MEMO1: variants seen among roughly 807,000 people sequenced by gnomAD.
MEMO1 encodes the protein protein MEMO1.
MEMO1 carries 6 observed loss-of-function variants against 45.2 expected under a neutral mutation model. That is an observed-to-expected ratio of 0.13 (90% CI 0.07 to 0.26). The LOEUF (loss-of-function observed/expected upper bound fraction) is 0.26. MEMO1 is among the 10% of genes least tolerant of loss of function. MEMO1 has a pLI of 1.00. For missense variants in MEMO1, 184 were observed against 370.5 expected (o/e 0.50, Z 4.13); for synonymous variants, 78 against 124.3 (o/e 0.63, Z 2.48).
chr2:31,988,701 A>G (rs1671575007), intron 2 of MEMO1, among the ~76,000 whole-genome samples: 1 of 152,242 alleles, frequency 6.6e-6, no homozygotes, highest in Non-Finnish European at 1.5e-5. Context: ...TGTCCTTGAT[A>G]TAGCTGCAAA....
chr2:31,941,205 C>A (rs1041118760), intron 3 of MEMO1, among the ~76,000 whole-genome samples: 3 of 152,138 alleles, frequency 2.0e-5, no homozygotes, highest in African/African-American at 7.2e-5. Context: ...CCTTGTACTG[C>A]CACTCCAGCT....
At chr2:31,963,232 A>G (rs1668231291) in intron 2 of MEMO1, 2 of 1,547,234 alleles carry the variant, frequency 1.3e-6, no homozygotes, top group Non-Finnish European at 8.7e-7. Context: ...TCAGCCCTCC[A>G]TAATGGCATG....
At chr2:31,881,570 C>T (rs555066909) in intron 8 of MEMO1, among the ~76,000 whole-genome samples, 2 of 134,078 alleles carry the variant, frequency 1.5e-5, no homozygotes, top group Non-Finnish European at 3.3e-5. Flanking sequence ...CAAGACAATA[C>T]ACTAAGAATT....
intron 2 of MEMO1, among the ~76,000 whole-genome samples, chr2:32,003,752 C>A (rs1358273926): frequency 6.6e-6 from 1 of 152,174 alleles, no homozygotes; most frequent in Non-Finnish European, 1.5e-5. Context: ...AACTGGACTT[C>A]TTTAAAACTA....
chr2:31,918,943 A>G (rs967518827), intron 5 of MEMO1, among the ~76,000 whole-genome samples: 3 of 152,036 alleles, frequency 2.0e-5, no homozygotes, highest in African/African-American at 7.2e-5. Flanking sequence ...TTTAAAAGTA[A>G]AATGTGTTCC....
At chr2:31,953,976 A>G (rs948679984) in intron 2 of MEMO1, among the ~76,000 whole-genome samples, 6 of 152,178 alleles carry the variant, frequency 3.9e-5, no homozygotes, top group African/African-American at 9.7e-5. Flanking sequence ...AAATATTCTG[A>G]TTTTTTAAAA....
intron 6 of MEMO1, among the ~76,000 whole-genome samples, chr2:31,907,818 C>CACACAT (rs1361419683): frequency 6.7e-6 from 1 of 150,132 alleles, no homozygotes; most frequent in Non-Finnish European, 1.5e-5. Flanking sequence ...CACACACACA[C>CACACAT]ACATACACAC....
intron 2 of MEMO1, among the ~76,000 whole-genome samples, chr2:31,978,647 C>T (rs886247907): frequency 1.3e-5 from 2 of 152,120 alleles, no homozygotes; most frequent in Non-Finnish European, 2.9e-5. Flanking sequence ...TGCCCATACC[C>T]GGCCTCAAGT....
chr2:31,908,035 C>CTTTTTTT (rs1401063487), intron 6 of MEMO1, among the ~76,000 whole-genome samples: 2 of 152,048 alleles, frequency 1.3e-5, no homozygotes, highest in Non-Finnish European at 2.9e-5. Flanking sequence ...TTTTTACAAC[C>CTTTTTTT]ACCACAAAAT....
At chr2:32,007,348 T>A (rs1383124969) in intron 2 of MEMO1, among the ~76,000 whole-genome samples, 1 of 152,328 alleles carries the variant, frequency 6.6e-6, no homozygotes, top group East Asian at 1.9e-4. Flanking sequence ...CCCTCCTCAG[T>A]AGTCCTAAAA....
intron 6 of MEMO1, among the ~76,000 whole-genome samples, chr2:31,913,517 G>GTT (rs5830218): frequency 2.9e-5 from 4 of 136,000 alleles, no homozygotes; most frequent in Non-Finnish European, 4.8e-5. Flanking sequence ...ATGATTAAGA[G>GTT]TTTTTTTTTT....
Position 31,900,532 on chromosome 2 carries a change from G to A in MEMO1, c.438-8398C>T, listed in dbSNP as rs368874756. Among the ~76,000 whole-genome samples the A allele has an allele frequency of 1.1e-4, 16 of 152,034 alleles. 1 individual carries two copies. The highest frequency in any genetic ancestry group is 9.2e-4 in the Admixed American group (14 of 15,264). ...AACATCACACACCGGGGCCTGTTGG[G>A]GAGTGGGGGACTAGGGGAGGGATAG... On this transcript the variant is annotated intron_variant, in intron 6 of 9. Transcript: ENST00000404530.
intron 2 of MEMO1, among the ~76,000 whole-genome samples, chr2:32,009,455 G>T (rs1674526493): frequency 6.6e-6 from 1 of 151,582 alleles, no homozygotes; most frequent in Admixed American, 6.6e-5. Context: ...TCCTCTGACA[G>T]ATCTCCCCAT....
chr2:31,998,918 C>G (rs1672933174), intron 2 of MEMO1, among the ~76,000 whole-genome samples: 1 of 152,152 alleles, frequency 6.6e-6, no homozygotes, highest in Non-Finnish European at 1.5e-5. Flanking sequence ...CAGTGAACAT[C>G]TCAAACTTAA....
intron 2 of MEMO1, among the ~76,000 whole-genome samples, chr2:32,007,270 C>T (rs1674216869): frequency 6.6e-6 from 1 of 152,168 alleles, no homozygotes; most frequent in Non-Finnish European, 1.5e-5. Flanking sequence ...TCCTTCCTCC[C>T]TGCTCCAAAC....
At chr2:31,946,809 T>A (rs1263270329) in intron 2 of MEMO1, among the ~76,000 whole-genome samples, 1 of 152,058 alleles carries the variant, frequency 6.6e-6, no homozygotes, top group Non-Finnish European at 1.5e-5. Flanking sequence ...GTTGCAGAGA[T>A]CACGCCCCTG....
intron 4 of MEMO1, among the ~76,000 whole-genome samples, chr2:31,921,986 C>T (rs2148183423): frequency 6.6e-6 from 1 of 152,294 alleles, no homozygotes; most frequent in East Asian, 1.9e-4. Context: ...ACCTGCCCTA[C>T]AATCTGAATT....
At chr2:31,926,863 T>TA (rs1683193335) in intron 4 of MEMO1, among the ~76,000 whole-genome samples, 2 of 147,780 alleles carry the variant, frequency 1.4e-5, no homozygotes, top group East Asian at 4.0e-4. Context: ...AAAAGAAAAA[T>TA]AAACAAAACA....
chr2:31,991,104 G>A, intron 2 of MEMO1, among the ~76,000 whole-genome samples: 1 of 152,134 alleles, frequency 6.6e-6, no homozygotes, highest in East Asian at 1.9e-4. Flanking sequence ...GCTAGCTCTT[G>A]CTGAAAAAGA....
Sources: allele counts gnomAD v4.1 joint callset (sites outside exome capture counted in the v4.1 genomes callset), GRCh38; gene constraint gnomAD v4.1.1; transcripts MANE v1.5; gene names NCBI Gene and HGNC (gene_info 2026-07-23, HGNC 2026-07-21).